STK17A: variants seen among roughly 807,000 people sequenced by gnomAD.
The protein encoded by STK17A is serine/threonine kinase 17a, also known as serine/threonine-protein kinase 17A.
In STK17A, 26 loss-of-function variants were observed where a neutral mutation model predicts 43.7. The observed-to-expected ratio is 0.60, with a 90% CI of 0.44 to 0.83. STK17A has a LOEUF of 0.83. Among genes scored for constraint, STK17A ranks in the 40% least tolerant of loss-of-function variants. The pLI is 0.00. For synonymous variants in STK17A, 191 were observed against 182.5 expected (o/e 1.05, Z -0.38); for missense variants, 476 against 511.6 (o/e 0.93, Z 0.67).
In STK17A at chr7:43,583,128, G is replaced by A. The variant is rs2082410793; in HGVS notation, c.-116G>A. On this transcript the variant is annotated 5_prime_UTR_variant, in exon 1 of 7. Coordinates refer to ENST00000319357, the MANE Select transcript of STK17A (RefSeq NM_004760.3). The stretch of plus-strand genomic sequence containing the variant: ...CTGCCGCAGTCCGAGCGCCGCGCTG[G>A]GGAGAGCGGGTGTTTGAAGGCTCCG... 2 of 1,130,214 alleles carry A rather than the reference G, an allele frequency of 1.8e-6. No individual in the cohort carries two copies. The highest frequency in any genetic ancestry group is 2.7e-5 in the Admixed American group (1 of 37,458). 70.0% of individuals were successfully genotyped at this position (1,130,214 alleles called of 1,614,324 possible).
intron 3 of STK17A, among the ~76,000 whole-genome samples, chr7:43,615,036 G>C (rs1330883344): frequency 6.6e-6 from 1 of 152,128 alleles, no homozygotes; most frequent in Non-Finnish European, 1.5e-5. Flanking sequence ...TTCCCTAGCA[G>C]TATTTCACCT....
rs1298544355 is a variant in STK17A at position 43,589,127 on chromosome 7, A to G, written c.206+5678A>G. 1.3e-5 allele frequency among the ~76,000 whole-genome samples: 2 copies of G among 151,616 alleles called. 1 individual carries two copies. The highest frequency in any genetic ancestry group is 3.0e-5 in the Non-Finnish European group (2 of 67,646). On this transcript the variant is annotated intron_variant, in intron 1 of 6. Coordinates refer to ENST00000319357, the MANE Select transcript of STK17A (RefSeq NM_004760.3). Reference sequence around the variant, plus strand: ...GAGAGAATGGCAAGTAGTCCAGTATATTAAATGTCATGAGGTTAAGTTGCC... The same window carrying G: ...GAGAGAATGGCAAGTAGTCCAGTATGTTAAATGTCATGAGGTTAAGTTGCC...
chr7:43,603,671 G>A (rs7793059), intron 2 of STK17A, among the ~76,000 whole-genome samples: 9,464 of 152,204 alleles, frequency 0.062, 420 homozygotes, highest in Non-Finnish European at 0.1. Flanking sequence ...TAGGAATTAA[G>A]GATGCTAAGG....
chr7:43,606,418 G>GCT (rs2082588636), intron 2 of STK17A, among the ~76,000 whole-genome samples: 1 of 152,134 alleles, frequency 6.6e-6, no homozygotes. Flanking sequence ...CAGTTATATG[G>GCT]CTCTGAATAA....
At chr7:43,600,019 C>T (rs1178130515) in intron 2 of STK17A, among the ~76,000 whole-genome samples, 1 of 152,150 alleles carries the variant, frequency 6.6e-6, no homozygotes, top group Non-Finnish European at 1.5e-5. Context: ...ACACTGAAGG[C>T]ATCTCTTTCC....
At chr7:43,615,640 G>A (rs1049030242) in intron 3 of STK17A, among the ~76,000 whole-genome samples, 1 of 152,074 alleles carries the variant, frequency 6.6e-6, no homozygotes, top group Non-Finnish European at 1.5e-5. Flanking sequence ...ATTTACTCCA[G>A]AATAGCCTAC....
intron 3 of STK17A, among the ~76,000 whole-genome samples, chr7:43,619,059 TCAA>T (rs1467535590): frequency 6.6e-6 from 1 of 152,138 alleles, no homozygotes; most frequent in African/African-American, 2.4e-5. Flanking sequence ...GGGAGGAATT[TCAA>T]CAATACAAGG....
At chr7:43,595,644 C>T (rs990933874) in intron 1 of STK17A, among the ~76,000 whole-genome samples, 1 of 147,202 alleles carries the variant, frequency 6.8e-6, no homozygotes, top group African/African-American at 2.4e-5. Context: ...TTATGTGTAA[C>T]TCTGCAAAAA....
intron 1 of STK17A, among the ~76,000 whole-genome samples, chr7:43,593,347 G>A (rs4720457): frequency 0.089 from 13,514 of 152,194 alleles, 691 homozygotes; most frequent in Admixed American, 0.17. Context: ...ATAGGGCTGT[G>A]ATTAACATAT....
chr7:43,584,099 C>T (rs556204680), intron 1 of STK17A, among the ~76,000 whole-genome samples: 4 of 152,200 alleles, frequency 2.6e-5, no homozygotes, highest in East Asian at 3.9e-4. Flanking sequence ...CTTGCCTTCT[C>T]CCCCCACCCC....
chr7:43,583,701 C>CT, intron 1 of STK17A, among the ~76,000 whole-genome samples: 1 of 152,338 alleles, frequency 6.6e-6, no homozygotes, highest in Admixed American at 6.5e-5. Flanking sequence ...GGCGCGGACA[C>CT]TTTCCTCAGC....
intron 2 of STK17A, among the ~76,000 whole-genome samples, chr7:43,598,769 GTT>G (rs1008561153): frequency 1.5e-4 from 22 of 145,226 alleles, no homozygotes; most frequent in African/African-American, 5.3e-4. Flanking sequence ...TTGGTTTTTG[GTT>G]TTTTTTTTTT....
chr7:43,618,397 G>A (rs1174919607), intron 3 of STK17A, among the ~76,000 whole-genome samples: 2 of 152,154 alleles, frequency 1.3e-5, no homozygotes, highest in Non-Finnish European at 2.9e-5. Context: ...GGGAGTAGCT[G>A]TGTTATTTAG....
chr7:43,612,034 G>A (rs1239794842), intron 3 of STK17A, among the ~76,000 whole-genome samples: 1 of 152,172 alleles, frequency 6.6e-6, no homozygotes, highest in Non-Finnish European at 1.5e-5. Flanking sequence ...ATTTACACAA[G>A]GAAATTATAT....
At chr7:43,616,949 T>C (rs932274071) in intron 3 of STK17A, among the ~76,000 whole-genome samples, 10 of 152,202 alleles carry the variant, frequency 6.6e-5, no homozygotes, top group African/African-American at 1.9e-4. Flanking sequence ...TTGTAGCCCC[T>C]CTCATCTATG....
At chr7:43,614,340 C>CT (rs553197579) in intron 3 of STK17A, among the ~76,000 whole-genome samples, 2 of 152,198 alleles carry the variant, frequency 1.3e-5, no homozygotes, top group South Asian at 4.1e-4. Context: ...CTTTCTCTCC[C>CT]TTACTACCTG....
At chr7:43,598,796 C>T (rs545146315) in intron 2 of STK17A, among the ~76,000 whole-genome samples, 1 of 151,822 alleles carries the variant, frequency 6.6e-6, no homozygotes, top group African/African-American at 2.4e-5. Context: ...CGGAGTCTTC[C>T]TCTGTGACCC....
chr7:43,596,475 A>G (rs755640727), intron 2 of STK17A, among the ~76,000 whole-genome samples: 1 of 152,198 alleles, frequency 6.6e-6, no homozygotes, highest in Non-Finnish European at 1.5e-5. Context: ...TTTTAGAAAC[A>G]GTGGTCTTGA....
chr7:43,607,445 C>T (rs570246600), intron 2 of STK17A, among the ~76,000 whole-genome samples: 3 of 151,692 alleles, frequency 2.0e-5, no homozygotes, highest in Non-Finnish European at 2.9e-5. Flanking sequence ...TCAAGGAGAT[C>T]GAGATCATCC....
Sources: gnomAD v4.1 joint callset for allele counts (sites outside exome capture counted in the v4.1 genomes callset) on GRCh38, gnomAD v4.1.1 for gene constraint, MANE v1.5 for transcripts, NCBI Gene and HGNC (gene_info 2026-07-23, HGNC 2026-07-21) for gene names.